The following PACS1 variants were observed in gnomAD, a reference collection of about 807,000 sequenced individuals.
PACS1 encodes the protein PACS-1.
In PACS1, 24 loss-of-function variants were observed where a neutral mutation model predicts 115.0. The observed-to-expected ratio is 0.21, with a 90% CI of 0.15 to 0.29. The LOEUF (loss-of-function observed/expected upper bound fraction) is 0.29. Among genes scored for constraint, PACS1 ranks in the 10% least tolerant of loss-of-function variants. The probability of loss-of-function intolerance (pLI) is 1.00; values close to 1 mark genes in which losing one functional copy is unlikely to be tolerated. For missense variants in PACS1, 838 were observed against 1,251.2 expected, an observed-to-expected ratio of 0.67 and a Z score of 4.98; for synonymous variants, 453 against 504.5, an observed-to-expected ratio of 0.90 and a Z score of 1.37.
At chr11:66,139,304 A>T (rs111550940) in intron 1 of PACS1, among the ~76,000 whole-genome samples, 1 of 152,164 alleles carries the variant, frequency 6.6e-6, no homozygotes, top group Non-Finnish European at 1.5e-5. Flanking sequence ...GGGGTGTCCA[A>T]CTCAAGCATT....
At position 66,233,729 on chromosome 11, in the gene PACS1, C is replaced by T; in HGVS notation, c.1839-56C>T. ...ACAGAAAGTCAGCTCTGGGCCTCCC[C>T]CGGGCAGGATCCTGGCACCCCTGAG... On this transcript the variant is annotated intron_variant, in intron 15 of 23. Transcript: ENST00000320580. The surrounding 1 kb of genome is among the most constrained non-coding windows in gnomAD (Gnocchi z 4.5). The T allele has an allele frequency of 1.3e-6, 2 of 1,535,698 alleles. No homozygotes were observed. Among genetic ancestry groups the T allele is most frequent in the South Asian group, 1.3e-5 (1 of 79,884 alleles).
At chr11:66,125,103 A>G (rs188696333) in intron 1 of PACS1, among the ~76,000 whole-genome samples, 1 of 152,322 alleles carries the variant, frequency 6.6e-6, no homozygotes, top group Admixed American at 6.5e-5. Context: ...TTGGTGAACA[A>G]TAAATTCTTT....
chr11:66,119,743 C>A (rs562285891), intron 1 of PACS1, among the ~76,000 whole-genome samples: 1 of 152,246 alleles, frequency 6.6e-6, no homozygotes, highest in South Asian at 2.1e-4. Context: ...TGGTGTGAGT[C>A]AGAATGATTA....
In PACS1 at chr11:66,070,407, C is replaced by CCCG. The variant is rs987302485; in HGVS notation, c.-66_-64dup. On this transcript the variant is annotated 5_prime_UTR_variant, in exon 1 of 24. Transcript: ENST00000320580. This position sits in a 1 kb window ranked among gnomAD's most constrained non-coding sequence, Gnocchi z 5.9. ...GGCGGGCTGAGGAGGCTGCCGCGCC[C>CCCG]CCGCCGCCGCCGCCGCGGGGGAAGC... 1.5e-4 allele frequency: 134 copies of CCCG among 903,136 alleles called. No individual in the cohort carries two copies. Among genetic ancestry groups the CCCG allele is most frequent in the South Asian group, 1.3e-3 (24 of 18,886 alleles). The allele number at this position is 903,136 out of a possible 1,614,324, so 55.9% of individuals were successfully genotyped here.
chr11:66,157,371 C>G (rs974462087), intron 1 of PACS1, among the ~76,000 whole-genome samples: 1 of 152,084 alleles, frequency 6.6e-6, no homozygotes, highest in African/African-American at 2.4e-5. Flanking sequence ...ATCTGCTCCA[C>G]TAAGTATTTG....
At chr11:66,183,371 T>G (rs2134658361) in intron 1 of PACS1, among the ~76,000 whole-genome samples, 1 of 152,312 alleles carries the variant, frequency 6.6e-6, no homozygotes, top group South Asian at 2.1e-4. Context: ...AAGGAAAACC[T>G]TTTTCACAAT....
intron 1 of PACS1, among the ~76,000 whole-genome samples, chr11:66,099,987 TCTC>T (rs1333622853): frequency 2.0e-5 from 3 of 151,870 alleles, no homozygotes; most frequent in Non-Finnish European, 1.5e-5. Context: ...TTCAAGCAGT[TCTC>T]CTCCCTCAGC....
At chr11:66,158,645 G>A (rs111258504) in intron 1 of PACS1, among the ~76,000 whole-genome samples, 3,722 of 152,242 alleles carry the variant, frequency 0.024, 172 homozygotes, top group African/African-American at 0.085. Flanking sequence ...AGGCTGCAGT[G>A]AGCTATGACC....
intron 1 of PACS1, among the ~76,000 whole-genome samples, chr11:66,096,019 C>T (rs1282930271): frequency 6.6e-6 from 1 of 151,726 alleles, no homozygotes; most frequent in Non-Finnish European, 1.5e-5. Context: ...ACTGCAACCT[C>T]CACCTCCCAG....
chr11:66,211,317 C>T (rs1855065539), intron 4 of PACS1, 58 bp downstream of exon 4: 3 of 1,574,238 alleles, frequency 1.9e-6, no homozygotes, highest in Non-Finnish European at 1.7e-6. Context: ...CCAAGGGACA[C>T]CCCAGCCCAG....
intron 1 of PACS1, chr11:66,100,802 C>T (rs1299330849): frequency 2.2e-6 from 1 of 456,158 alleles, no homozygotes; most frequent in African/African-American, 2.0e-5. Flanking sequence ...CAGCTATTAG[C>T]TGGGACCTCC....
At chr11:66,071,923 T>G (rs1857315663) in intron 1 of PACS1, among the ~76,000 whole-genome samples, 1 of 152,196 alleles carries the variant, frequency 6.6e-6, no homozygotes, top group Admixed American at 6.5e-5. Flanking sequence ...GAGTACATCT[T>G]TCTGTTTCGC....
At chr11:66,156,212 A>ATATATT in intron 1 of PACS1, among the ~76,000 whole-genome samples, 1 of 4,174 alleles carries the variant, frequency 2.4e-4, no homozygotes, top group East Asian at 9.4e-3. Flanking sequence ...AATTATATAT[A>ATATATT]TATATATATA....
chr11:66,074,275 C>G (rs941596954), intron 1 of PACS1, among the ~76,000 whole-genome samples: 3 of 152,042 alleles, frequency 2.0e-5, no homozygotes. Flanking sequence ...TTATGAAATT[C>G]AAGCTTTAGA....
In PACS1 at chr11:66,216,533, T is replaced by A. The variant is rs1590826040; in HGVS notation, c.819T>A (p.Asp273Glu). The change falls in exon 6 of 24, where the codon GAT becomes GAA. Residue 273 changes from aspartate to glutamate, a missense_variant. By Grantham distance (45) the Asp-to-Glu change is conservative (BLOSUM62 2). This residue lies in a region of PACS1 where 223 missense variants were observed against 354.0 expected (regional missense o/e 0.63). Coordinates refer to ENST00000320580, the MANE Select transcript of PACS1 (RefSeq NM_018026.4). ...IKSKLSDRSP[D>E]IDNYSEEEEE... ...TGTCTGTTGCAGATCGTTCTCCTGATATTGACAATTATTCTGAGGAAGAGG... is the reference window on the plus strand; with the variant it reads ...TGTCTGTTGCAGATCGTTCTCCTGAAATTGACAATTATTCTGAGGAAGAGG... 5 of 1,613,788 alleles carry A rather than the reference T, an allele frequency of 3.1e-6. No individual in the cohort carries two copies. Among genetic ancestry groups the A allele is most frequent in the Non-Finnish European group, 4.2e-6 (5 of 1,179,730 alleles).
chr11:66,172,945 C>T (rs1859772131), intron 1 of PACS1, among the ~76,000 whole-genome samples: 1 of 142,652 alleles, frequency 7.0e-6, no homozygotes, highest in African/African-American at 2.7e-5. Flanking sequence ...CACTGCACGC[C>T]AGCCTGGTGA....
At chr11:66,144,151 T>G (rs1229172489) in intron 1 of PACS1, among the ~76,000 whole-genome samples, 4 of 152,214 alleles carry the variant, frequency 2.6e-5, no homozygotes, top group Non-Finnish European at 5.9e-5. Context: ...CCTGTTTGCC[T>G]CTTACTGATA....
intron 1 of PACS1, among the ~76,000 whole-genome samples, chr11:66,159,235 C>T (rs1423766269): frequency 2.0e-5 from 3 of 152,062 alleles, no homozygotes; most frequent in East Asian, 3.8e-4. Context: ...GTCGGGAGTT[C>T]GAGACCAGCC....
At chr11:66,122,818 G>C (rs1858474189) in intron 1 of PACS1, among the ~76,000 whole-genome samples, 1 of 152,170 alleles carries the variant, frequency 6.6e-6, no homozygotes, top group Non-Finnish European at 1.5e-5. Flanking sequence ...TCTTGAGATG[G>C]GACCTACTCC....
Sources: gnomAD v4.1 joint callset for allele counts (sites outside exome capture counted in the v4.1 genomes callset) on GRCh38, gnomAD v4.1.1 for gene constraint, gnomAD v4.1.1 regional missense constraint, Gnocchi (gnomAD v3.1) non-coding constraint, MANE v1.5 for transcripts, NCBI Gene and HGNC (gene_info 2026-07-23, HGNC 2026-07-21) for gene names.